The following ELF1 variants were observed in gnomAD, a reference collection of about 807,000 sequenced individuals.
ELF1 encodes ETS-related transcription factor Elf-1.
A neutral mutation model predicts 59.9 loss-of-function variants in ELF1; 24 were observed. The ratio of observed to expected loss-of-function variants is 0.40; its 90% CI spans 0.29 to 0.56. The LOEUF (loss-of-function observed/expected upper bound fraction) is 0.56, where lower values mean the gene tolerates loss of function less well. Ranked by LOEUF, ELF1 falls within the 20% of genes least tolerant of loss-of-function variation. The pLI is 0.44. For synonymous variants in ELF1, 248 were observed against 266.2 expected (o/e 0.93, Z 0.67); for missense variants, 627 against 742.2 (o/e 0.84, Z 1.80).
At chr13:40,964,144 C>G (rs1872029918) in intron 2 of ELF1, among the ~76,000 whole-genome samples, 1 of 152,130 alleles carries the variant, frequency 6.6e-6, no homozygotes, top group South Asian at 2.1e-4. Context: ...CATCAAGAAC[C>G]TAAGAACTCT....
In ELF1 at chr13:40,949,118, T is replaced by G. The variant is rs567723528; in HGVS notation, c.529+688A>C. Among the ~76,000 whole-genome samples, 18 of 152,200 alleles carry G rather than the reference T, an allele frequency of 1.2e-4. No homozygotes were observed. The South Asian group carries it at 3.7e-3, about 32-fold the overall frequency. ...CTCCTGCCTCAGCTTCCCAAGTAGC[T>G]GGGATTACAGGCACCTGTCAACATG... On this transcript the variant is annotated intron_variant, in intron 5 of 8. Coordinates refer to ENST00000239882, the MANE Select transcript of ELF1 (RefSeq NM_172373.4).
chr13:41,011,399 A>G (rs1181513151), intron 1 of ELF1, among the ~76,000 whole-genome samples: 2 of 152,198 alleles, frequency 1.3e-5, no homozygotes, highest in Admixed American at 6.5e-5. Context: ...ACACAGTCTT[A>G]TAACACTTAC....
intron 2 of ELF1, among the ~76,000 whole-genome samples, chr13:40,967,188 G>A (rs1872227445): frequency 6.6e-6 from 1 of 152,122 alleles, no homozygotes; most frequent in African/African-American, 2.4e-5. Context: ...TTTTACATTT[G>A]ATTTAAAAAA....
chr13:40,958,033 ACTTT>A (rs1566171811), intron 3 of ELF1, among the ~76,000 whole-genome samples: 1 of 152,222 alleles, frequency 6.6e-6, no homozygotes, highest in Admixed American at 6.5e-5. Flanking sequence ...TTTCTGATAA[ACTTT>A]CTTTTACGAA....
intron 1 of ELF1, among the ~76,000 whole-genome samples, chr13:41,031,322 CAACT>C (rs1470922125): frequency 7.2e-5 from 11 of 152,160 alleles, no homozygotes; most frequent in Admixed American, 3.3e-4. Context: ...ACAGCTTCTA[CAACT>C]AACTGTAAGT....
chr13:40,986,627 C>T (rs1231021929), intron 1 of ELF1, among the ~76,000 whole-genome samples: 2 of 130,486 alleles, frequency 1.5e-5, no homozygotes, highest in African/African-American at 5.9e-5. Flanking sequence ...TTTAACAAAT[C>T]CTGCTGCTTC....
chr13:41,031,285 T>G (rs983422463), intron 1 of ELF1, among the ~76,000 whole-genome samples: 1 of 152,228 alleles, frequency 6.6e-6, no homozygotes, highest in East Asian at 1.9e-4. Context: ...TAACCAGTAA[T>G]GTACCTGAGA....
At chr13:41,042,962 C>T (rs915575532) in intron 1 of ELF1, among the ~76,000 whole-genome samples, 2 of 152,026 alleles carry the variant, frequency 1.3e-5, no homozygotes, top group African/African-American at 2.4e-5. Context: ...TCCTCTCCAG[C>T]CTGTTCTTTC....
intron 1 of ELF1, among the ~76,000 whole-genome samples, chr13:41,033,191 C>T (rs1385217971): frequency 6.6e-6 from 1 of 152,158 alleles, no homozygotes; most frequent in East Asian, 1.9e-4. Context: ...GCTGTGTAGC[C>T]TCATGATTAA....
intron 1 of ELF1, among the ~76,000 whole-genome samples, chr13:41,037,820 A>G (rs73176949): frequency 0.16 from 24,163 of 152,020 alleles, 2,033 homozygotes; most frequent in Non-Finnish European, 0.19. Context: ...AAAAAAGAAA[A>G]AAGAAATTAG....
intron 1 of ELF1, among the ~76,000 whole-genome samples, chr13:41,018,713 G>A (rs990468809): frequency 2.6e-5 from 4 of 151,860 alleles, no homozygotes; most frequent in Admixed American, 2.0e-4. Flanking sequence ...AAAACAGAGA[G>A]GGAGAAAAAA....
Position 41,019,219 on chromosome 13 carries a change from A to G in ELF1, c.-229+9T>C, listed in dbSNP as rs1022997470. 1.2e-5 allele frequency: 12 copies of G among 985,372 alleles called. No homozygotes were observed. In the African/African-American group the frequency reaches 1.9e-4, roughly 16 times the overall value. 61.0% of individuals were successfully genotyped at this position (985,372 alleles called of 1,614,324 possible). ...CCAGAAGCAAACATACAAAATTGTA[A>G]CAAGTTACCTTCAAGTATTCTTTCT... is the stretch of plus-strand genomic sequence containing the variant. On this transcript the variant is annotated intron_variant, in intron 1 of 8. Coordinates refer to ENST00000239882, the MANE Select transcript of ELF1 (RefSeq NM_172373.4).
At chr13:41,014,990 C>G (rs550872517) in intron 1 of ELF1, among the ~76,000 whole-genome samples, 13 of 152,072 alleles carry the variant, frequency 8.5e-5, no homozygotes, top group African/African-American at 3.1e-4. Context: ...TTAAGTCACC[C>G]CTGCCCTCCC....
chr13:40,972,905 T>C (rs150512966), intron 2 of ELF1, among the ~76,000 whole-genome samples: 2 of 152,114 alleles, frequency 1.3e-5, no homozygotes, highest in Admixed American at 1.3e-4. Context: ...AAAAATCATC[T>C]CCCACCTAAG....
chr13:41,032,158 C>T (rs1217059980), intron 1 of ELF1, among the ~76,000 whole-genome samples: 2 of 151,406 alleles, frequency 1.3e-5, no homozygotes, highest in Non-Finnish European at 2.9e-5. Flanking sequence ...AGGCAACCCT[C>T]TTATTTTAAA....
intron 2 of ELF1, among the ~76,000 whole-genome samples, chr13:40,979,526 G>A (rs2138264052): frequency 6.6e-6 from 1 of 152,238 alleles, no homozygotes; most frequent in East Asian, 1.9e-4. Context: ...TTCCAAACAA[G>A]GATGTTCACT....
chr13:40,940,386 G>GGAA (rs1491198697), intron 8 of ELF1, among the ~76,000 whole-genome samples: 1 of 109,896 alleles, frequency 9.1e-6, no homozygotes, highest in African/African-American at 4.9e-5. Flanking sequence ...TGATTTAACT[G>GGAA]AAAAAAAAAA....
At chr13:40,976,614 T>C (rs939855800) in intron 2 of ELF1, among the ~76,000 whole-genome samples, 16 of 152,226 alleles carry the variant, frequency 1.1e-4, no homozygotes, top group African/African-American at 3.9e-4. Flanking sequence ...CGATCTCAGC[T>C]CACTGCAACC....
At chr13:40,981,365 G>C (rs1422047669) in intron 2 of ELF1, among the ~76,000 whole-genome samples, 1 of 151,926 alleles carries the variant, frequency 6.6e-6, no homozygotes, top group African/African-American at 2.4e-5. Flanking sequence ...GGGGGAAGGA[G>C]ACTAAAATTA....
Sources: allele counts gnomAD v4.1 joint callset (sites outside exome capture counted in the v4.1 genomes callset), GRCh38; gene constraint gnomAD v4.1.1; transcripts MANE v1.5; gene names NCBI Gene and HGNC (gene_info 2026-07-23, HGNC 2026-07-21).